Variants in PTPRT observed in about 807,000 individuals in gnomAD.
PTPRT encodes the protein receptor-type tyrosine-protein phosphatase T.
Under a neutral mutation model 176.8 loss-of-function variants are expected in PTPRT, and 56 were observed. The observed-to-expected ratio is 0.32, with a 90% CI of 0.26 to 0.40. PTPRT has a LOEUF of 0.40. Ranked by LOEUF, PTPRT falls within the 10% of genes least tolerant of loss-of-function variation. PTPRT has a pLI of 1.00. For missense variants in PTPRT, 1,540 were observed against 1,908.2 expected (o/e 0.81, Z 3.60); for synonymous variants, 783 against 739.0 (o/e 1.06, Z -0.96).
chr20:42,467,802 C>A (rs1162137040), intron 8 of PTPRT, among the ~76,000 whole-genome samples: 1 of 152,164 alleles, frequency 6.6e-6, no homozygotes, highest in Non-Finnish European at 1.5e-5. Flanking sequence ...GTTTATAAGT[C>A]TCCTTTGTAC....
chr20:43,075,434 T>C (rs1486462044), intron 1 of PTPRT, among the ~76,000 whole-genome samples: 1 of 152,252 alleles, frequency 6.6e-6, no homozygotes, highest in Non-Finnish European at 1.5e-5. Context: ...GCTTTTCTTC[T>C]ACTGTGATTC....
At chr20:43,067,861 G>C (rs546770235) in intron 1 of PTPRT, among the ~76,000 whole-genome samples, 45 of 143,914 alleles carry the variant, frequency 3.1e-4, no homozygotes, top group Admixed American at 7.7e-4. Flanking sequence ...AGCTACTCAA[G>C]AGGCTGAGGC....
At chr20:42,478,850 C>A (rs887680312) in intron 7 of PTPRT, among the ~76,000 whole-genome samples, 2 of 152,114 alleles carry the variant, frequency 1.3e-5, no homozygotes, top group East Asian at 3.8e-4. Context: ...GCCCCTAGAT[C>A]TCCTCATTTT....
At chr20:43,149,925 G>A (rs1055092672) in intron 1 of PTPRT, among the ~76,000 whole-genome samples, 5 of 152,294 alleles carry the variant, frequency 3.3e-5, no homozygotes, top group East Asian at 1.9e-4. Context: ...GGGAAGAAAC[G>A]TGTGAACATC....
At chr20:42,614,306 T>A (rs2074026561) in intron 7 of PTPRT, among the ~76,000 whole-genome samples, 1 of 152,130 alleles carries the variant, frequency 6.6e-6, no homozygotes, top group Non-Finnish European at 1.5e-5. Context: ...AATGACCTTA[T>A]CTTAATTTAA....
intron 9 of PTPRT, among the ~76,000 whole-genome samples, chr20:42,374,019 C>A (rs2058621145): frequency 6.6e-6 from 1 of 152,118 alleles, no homozygotes; most frequent in Admixed American, 6.5e-5. Flanking sequence ...GAGGTGGGAG[C>A]AGAGAGGGCA....
intron 1 of PTPRT, among the ~76,000 whole-genome samples, chr20:42,986,443 C>T (rs1242605504): frequency 6.6e-6 from 1 of 152,218 alleles, no homozygotes; most frequent in Non-Finnish European, 1.5e-5. Context: ...CACCTGGACT[C>T]ATCCTGAGTC....
intron 1 of PTPRT, among the ~76,000 whole-genome samples, chr20:42,962,236 A>G (rs1381260951): frequency 1.3e-5 from 2 of 152,226 alleles, no homozygotes; most frequent in South Asian, 2.1e-4. Context: ...ATATCTTCCT[A>G]TCATTAGTTG....
chr20:42,520,611 T>G (rs1011689034), intron 7 of PTPRT, among the ~76,000 whole-genome samples: 1 of 152,086 alleles, frequency 6.6e-6, no homozygotes, highest in Non-Finnish European at 1.5e-5. Context: ...GGTCATTGCA[T>G]CTACATGCTT....
At chr20:42,741,447 C>A (rs2014960) in intron 6 of PTPRT, among the ~76,000 whole-genome samples, 110,666 of 151,530 alleles carry the variant, frequency 0.73, 40,595 homozygotes, top group East Asian at 0.86. Context: ...TAGGTTCAAG[C>A]GATTCTCCTG....
intron 7 of PTPRT, among the ~76,000 whole-genome samples, chr20:42,589,704 C>T (rs6093681): frequency 0.38 from 58,128 of 151,910 alleles, 13,078 homozygotes; most frequent in African/African-American, 0.63. Flanking sequence ...GACTTCACAC[C>T]CAGCTAGGCT....
chr20:42,261,373 T>C (rs1228219895), intron 13 of PTPRT, among the ~76,000 whole-genome samples: 1 of 152,168 alleles, frequency 6.6e-6, no homozygotes, highest in African/African-American at 2.4e-5. Flanking sequence ...TCTGACTTTA[T>C]CTAAACTAAT....
chr20:43,186,713 C>G (rs1176676000), intron 1 of PTPRT, among the ~76,000 whole-genome samples: 2 of 152,202 alleles, frequency 1.3e-5, no homozygotes, highest in African/African-American at 4.8e-5. Context: ...AGAATTTAAG[C>G]CACGTTTGCA....
At chr20:42,155,447 A>G (rs922335588) in intron 17 of PTPRT, among the ~76,000 whole-genome samples, 17 of 152,112 alleles carry the variant, frequency 1.1e-4, no homozygotes, top group Non-Finnish European at 2.9e-5. Flanking sequence ...GGCTCGGCCA[A>G]TTGGTTCTTA....
At chr20:42,817,983 T>C (rs1031673226) in intron 2 of PTPRT, among the ~76,000 whole-genome samples, 1 of 151,996 alleles carries the variant, frequency 6.6e-6, no homozygotes, top group Non-Finnish European at 1.5e-5. Flanking sequence ...CAAGTAGGTT[T>C]CCCCCCAGCA....
intron 7 of PTPRT, among the ~76,000 whole-genome samples, chr20:42,614,999 A>C: frequency 7.1e-6 from 1 of 141,398 alleles, no homozygotes; most frequent in African/African-American, 2.7e-5. Context: ...GGTTAGTTAC[A>C]TATGTATACA....
At chr20:42,036,280 C>T in the PTPRT span, among the ~76,000 whole-genome samples, 108 of 152,260 alleles carry the variant, frequency 7.1e-4, no homozygotes, top group African/African-American at 2.3e-3. Flanking sequence ...ATCAGGGCAC[C>T]GGTCACATCT....
At chr20:42,871,723 A>G (rs2078849940) in intron 2 of PTPRT, among the ~76,000 whole-genome samples, 1 of 152,192 alleles carries the variant, frequency 6.6e-6, no homozygotes, top group African/African-American at 2.4e-5. Flanking sequence ...TGTTGAAGAA[A>G]TTATTCTCTC....
chr20:43,137,039 A>G (rs2013854061), intron 1 of PTPRT, among the ~76,000 whole-genome samples: 1 of 152,148 alleles, frequency 6.6e-6, no homozygotes, highest in Non-Finnish European at 1.5e-5. Flanking sequence ...CTTTAAGCTA[A>G]CAATCTCCTT....
Sources: allele counts gnomAD v4.1 joint callset (sites outside exome capture counted in the v4.1 genomes callset), GRCh38; gene constraint gnomAD v4.1.1; transcripts MANE v1.5; gene names NCBI Gene and HGNC (gene_info 2026-07-23, HGNC 2026-07-21).